The following PRDM11 variants were observed in gnomAD, a reference collection of about 807,000 sequenced individuals.
PRDM11 encodes PR/SET domain 11.
In PRDM11, 20 loss-of-function variants were observed where a neutral mutation model predicts 97.8. The ratio of observed to expected loss-of-function variants is 0.20; its 90% CI spans 0.14 to 0.30. The LOEUF (loss-of-function observed/expected upper bound fraction) is 0.30, where lower values mean the gene tolerates loss of function less well. Ranked by LOEUF, PRDM11 falls within the 10% of genes least tolerant of loss-of-function variation. The pLI is 1.00. For missense variants in PRDM11, 1,139 were observed against 1,555.2 expected (o/e 0.73, Z 4.50); for synonymous variants, 599 against 637.7 (o/e 0.94, Z 0.91).
chr11:45,151,663 T>TA (rs1367396153), intron 1 of PRDM11, among the ~76,000 whole-genome samples: 2 of 152,224 alleles, frequency 1.3e-5, no homozygotes, highest in African/African-American at 4.8e-5. Context: ...AGTTGCAGCT[T>TA]ACAGCAGAAG....
chr11:45,178,529 C>T (rs1037053710), intron 1 of PRDM11, among the ~76,000 whole-genome samples: 1 of 152,216 alleles, frequency 6.6e-6, no homozygotes, highest in African/African-American at 2.4e-5. Flanking sequence ...TGGAAGAGAG[C>T]TCCATAGGGA....
Position 45,232,423 on chromosome 11 carries a change from A to G in PRDM11, c.*4264A>G, listed in dbSNP as rs935037291. The G allele has an allele frequency of 6.6e-6, 1 of 152,234 alleles. No homozygotes were observed. Among genetic ancestry groups the G allele is most frequent in the African/African-American group, 2.4e-5 (1 of 41,446 alleles). 9.4% of individuals were successfully genotyped at this position (152,234 alleles called of 1,614,324 possible). A position where few individuals can be genotyped will look rare whatever the true frequency, so the allele number is the denominator to read the frequency against. ...TGCTTTTGGCTTTCAGTCTGGGTTG[A>G]TTTCCAAGTCGAATTCATGCTTTTT... On this transcript the variant is annotated 3_prime_UTR_variant, in exon 8 of 8. Coordinates refer to ENST00000683152, the MANE Select transcript of PRDM11 (RefSeq NM_001384648.1).
chr11:45,208,306 C>T lies in PRDM11; in HGVS notation c.554+3528C>T, dbSNP rs1429541464. On this transcript the variant is annotated intron_variant, in intron 5 of 7. Coordinates refer to ENST00000683152, the MANE Select transcript of PRDM11 (RefSeq NM_001384648.1). ...AGGCAGAATAAGCTTTCTGTGGCCA[C>T]ACCCTAATCATGGCATTGTCACTGC... Among the ~76,000 whole-genome samples, 5 of 152,192 alleles carry T rather than the reference C, an allele frequency of 3.3e-5. No individual in the cohort carries two copies. The East Asian group carries it at 9.6e-4, about 29-fold the overall frequency.
intron 7 of PRDM11, among the ~76,000 whole-genome samples, chr11:45,225,264 T>C (rs1854246542): frequency 6.6e-6 from 1 of 152,196 alleles, no homozygotes; most frequent in South Asian, 2.1e-4. Flanking sequence ...TGTTCTTCTC[T>C]TCCTGAATCT....
At chr11:45,107,830 A>ATT (rs113892533) in intron 1 of PRDM11, among the ~76,000 whole-genome samples, 3,917 of 143,246 alleles carry the variant, frequency 0.027, 164 homozygotes, top group African/African-American at 0.092. Context: ...TGTGGGTTGG[A>ATT]TTTTTTTTTT....
At position 45,228,261 on chromosome 11, in the gene PRDM11, TA is replaced by T. The variant is rs1854326308; in HGVS notation, c.*103del. The T allele has an allele frequency of 9.5e-5, 21 of 221,074 alleles. No homozygotes were observed. Among genetic ancestry groups the T allele is most frequent in the Middle Eastern group, 2.0e-3 (1 of 506 alleles). 13.7% of individuals were successfully genotyped at this position (221,074 alleles called of 1,614,324 possible). On this transcript the variant is annotated 3_prime_UTR_variant, in exon 8 of 8. Transcript: ENST00000683152. ...AAATATATATTATATTATATTATAT[TA>T]TATTATATATATATATATATATAAA...
chr11:45,194,048 C>T (rs1026217388), intron 4 of PRDM11, among the ~76,000 whole-genome samples: 2 of 152,150 alleles, frequency 1.3e-5, no homozygotes, highest in Non-Finnish European at 2.9e-5. Context: ...CACAGTTGAA[C>T]GTAAGGTCAA....
intron 4 of PRDM11, among the ~76,000 whole-genome samples, chr11:45,186,995 C>T (rs984635272): frequency 6.6e-6 from 1 of 152,166 alleles, no homozygotes; most frequent in African/African-American, 2.4e-5. Flanking sequence ...TTCAACCCAA[C>T]CTCACATACA....
chr11:45,209,067 C>T, intron 5 of PRDM11: 2 of 456,694 alleles, frequency 4.4e-6, no homozygotes, highest in South Asian at 1.5e-5. Context: ...CCAGGTGCCC[C>T]GCTCCGTCAA....
chr11:45,225,372 T>C (rs1854249401), intron 7 of PRDM11, among the ~76,000 whole-genome samples: 1 of 152,196 alleles, frequency 6.6e-6, no homozygotes, highest in Non-Finnish European at 1.5e-5. Flanking sequence ...CTTTGCCCTA[T>C]TCTGTTGGCT....
Position 45,231,326 on chromosome 11 carries a change from G to C in PRDM11, c.*3167G>C, listed in dbSNP as rs936724647. On this transcript the variant is annotated 3_prime_UTR_variant, in exon 8 of 8. Coordinates refer to ENST00000683152, the MANE Select transcript of PRDM11 (RefSeq NM_001384648.1). ...TCTTCTGCTTGCTTGAGAAGGACTT[G>C]GACTGATGGGACACTCAGGGTCTAG... is the stretch of plus-strand genomic sequence containing the variant. 6.6e-6 allele frequency: 1 copy of C among 152,122 alleles called. No homozygotes were observed. Among genetic ancestry groups the C allele is most frequent in the Non-Finnish European group, 1.5e-5 (1 of 68,048 alleles). 9.4% of individuals were successfully genotyped at this position (152,122 alleles called of 1,614,324 possible).
chr11:45,217,071 T>TA (rs1192463242), intron 5 of PRDM11, among the ~76,000 whole-genome samples: 5 of 152,248 alleles, frequency 3.3e-5, no homozygotes, highest in African/African-American at 1.2e-4. Context: ...TTCCCTTTTG[T>TA]ATCTGGGAGC....
chr11:45,156,409 C>T (rs552986094), intron 1 of PRDM11, among the ~76,000 whole-genome samples: 2 of 152,284 alleles, frequency 1.3e-5, no homozygotes, highest in African/African-American at 4.8e-5. Flanking sequence ...CTTGATGGGC[C>T]CTGCACCAGG....
intron 1 of PRDM11, among the ~76,000 whole-genome samples, chr11:45,159,612 G>C (rs1304866580): frequency 6.6e-6 from 1 of 152,186 alleles, no homozygotes; most frequent in Non-Finnish European, 1.5e-5. Flanking sequence ...CTGTCTTGGA[G>C]GTAATGGCCT....
chr11:45,131,579 A>G (rs7943381), intron 1 of PRDM11, among the ~76,000 whole-genome samples: 48,417 of 152,154 alleles, frequency 0.32, 8,483 homozygotes, highest in African/African-American at 0.44. Context: ...TTGTCACACC[A>G]TTATGTATAA....
In PRDM11 at chr11:45,182,241, GC is replaced by G; in HGVS notation, c.120-3del. 6.2e-7 allele frequency: 1 copy of G among 1,613,466 alleles called. No homozygotes were observed. Among genetic ancestry groups the G allele is most frequent in the South Asian group, 1.1e-5 (1 of 91,050 alleles). On this transcript the variant is annotated splice_region_variant and splice_polypyrimidine_tract_variant and intron_variant, in intron 2 of 7. Coordinates refer to ENST00000683152, the MANE Select transcript of PRDM11 (RefSeq NM_001384648.1). The stretch of plus-strand genomic sequence containing the variant: ...GCTTTCTTTGCGGGCCTCTGCCCTG[GC>G]CAGCTCTAGGAGACCGGACTCCTCG...
chr11:45,098,121 A>AC (rs1851915966), intron 1 of PRDM11, among the ~76,000 whole-genome samples: 1 of 152,132 alleles, frequency 6.6e-6, no homozygotes, highest in African/African-American at 2.4e-5. Flanking sequence ...CAGGGAACCC[A>AC]CCCAGGCCTC....
chr11:45,181,684 G>A (rs1306056064), intron 1 of PRDM11, 77 bp from the exon 2 acceptor site: 2 of 1,235,840 alleles, frequency 1.6e-6, no homozygotes, highest in Admixed American at 3.6e-5. Context: ...ACCCCCACTT[G>A]CCCTCTCCGC....
chr11:45,214,083 C>A (rs1046707202), intron 5 of PRDM11: 2 of 225,538 alleles, frequency 8.9e-6, no homozygotes, highest in Non-Finnish European at 1.8e-5. Flanking sequence ...GAGTGGAGGG[C>A]AACCTCTTCC....
Sources: allele counts gnomAD v4.1 joint callset (sites outside exome capture counted in the v4.1 genomes callset), GRCh38; gene constraint gnomAD v4.1.1; transcripts MANE v1.5; gene names NCBI Gene and HGNC (gene_info 2026-07-23, HGNC 2026-07-21).